NUBPL: variants seen among roughly 807,000 people sequenced by gnomAD.
NUBPL encodes iron-sulfur cluster transfer protein NUBPL.
In NUBPL, 31 loss-of-function variants were observed where a neutral mutation model predicts 45.7. That is an observed-to-expected ratio of 0.68 (90% CI 0.51 to 0.92). The LOEUF is 0.92. Among genes scored for constraint, NUBPL ranks in the 40% least tolerant of loss-of-function variants. NUBPL has a pLI of 0.00. For synonymous variants in NUBPL, 144 were observed against 140.9 expected (o/e 1.02, Z -0.15); for missense variants, 401 against 398.7 (o/e 1.01, Z -0.05).
intron 6 of NUBPL, among the ~76,000 whole-genome samples, chr14:31,720,682 A>G (rs1188644962): frequency 5.3e-5 from 8 of 152,212 alleles, no homozygotes; most frequent in African/African-American, 1.7e-4. Flanking sequence ...CCAATACAGT[A>G]ACTACTAGCT....
chr14:31,775,449 A>G (rs915052509), intron 6 of NUBPL, among the ~76,000 whole-genome samples: 3 of 152,086 alleles, frequency 2.0e-5, no homozygotes, highest in African/African-American at 7.2e-5. Flanking sequence ...AAGAAAGCAA[A>G]AAAACAAAAG....
In NUBPL at chr14:31,704,053, C is replaced by T. The variant is rs561605272; in HGVS notation, c.513+30479C>T. ...CTGTAACATTTCCCTCCTCAAGAGCCCAAGACCACAAATCTTTGAGGAAAA... is the reference window on the plus strand; with the variant it reads ...CTGTAACATTTCCCTCCTCAAGAGCTCAAGACCACAAATCTTTGAGGAAAA... On this transcript the variant is annotated intron_variant, in intron 6 of 10. Transcript: ENST00000281081. Among the ~76,000 whole-genome samples, 11 of 152,290 alleles carry T rather than the reference C, an allele frequency of 7.2e-5. No individual in the cohort carries two copies. The Middle Eastern group carries it at 0.01, about 141-fold the overall frequency.
At chr14:31,687,382 A>G (rs2036977821) in intron 6 of NUBPL, among the ~76,000 whole-genome samples, 1 of 152,234 alleles carries the variant, frequency 6.6e-6, no homozygotes, top group Non-Finnish European at 1.5e-5. Context: ...GTACTACCTA[A>G]AGTATACACA....
chr14:31,704,039 C>A (rs2037394355), intron 6 of NUBPL, among the ~76,000 whole-genome samples: 1 of 152,210 alleles, frequency 6.6e-6, no homozygotes, highest in Admixed American at 6.5e-5. Flanking sequence ...TGTAACATTT[C>A]CCTCCTCAAG....
chr14:31,598,939 T>G (rs1240285681), intron 3 of NUBPL, among the ~76,000 whole-genome samples: 1 of 152,206 alleles, frequency 6.6e-6, no homozygotes, highest in African/African-American at 2.4e-5. Context: ...ATTTTAAAAT[T>G]GTTTACATGT....
At chr14:31,821,576 A>C (rs1237201340) in intron 7 of NUBPL, among the ~76,000 whole-genome samples, 1 of 152,254 alleles carries the variant, frequency 6.6e-6, no homozygotes, top group Non-Finnish European at 1.5e-5. Context: ...GACCCTTGTC[A>C]CTGTTGGTAG....
intron 8 of NUBPL, among the ~76,000 whole-genome samples, chr14:31,841,483 T>C (rs2040368161): frequency 6.6e-6 from 1 of 152,200 alleles, no homozygotes; most frequent in Non-Finnish European, 1.5e-5. Context: ...ATTATCTGGC[T>C]TTTCCTTATT....
chr14:31,757,932 T>G (rs2038707778), intron 6 of NUBPL, among the ~76,000 whole-genome samples: 1 of 151,872 alleles, frequency 6.6e-6, no homozygotes, highest in East Asian at 1.9e-4. Context: ...CATTAACACT[T>G]TAGGGCCCTT....
At chr14:31,780,063 ATT>A (rs368438625) in intron 6 of NUBPL, among the ~76,000 whole-genome samples, 8 of 144,334 alleles carry the variant, frequency 5.5e-5, no homozygotes, top group Admixed American at 2.8e-4. Context: ...GAGAGAGCAC[ATT>A]TTTTTTTTTT....
At chr14:31,809,557 C>CA (rs1358097972) in intron 7 of NUBPL, among the ~76,000 whole-genome samples, 5 of 152,002 alleles carry the variant, frequency 3.3e-5, no homozygotes, top group Non-Finnish European at 5.9e-5. Flanking sequence ...TTGATCTTTT[C>CA]AAAAAACCAG....
chr14:31,746,283 G>T lies in NUBPL; in HGVS notation c.514-41497G>T, dbSNP rs373523762. ...TCTTGTTCCAGTTCCTAGAGGAAAAGATTTCAACTTTTCCTCATTCAGTAA... is the reference window on the plus strand; with the variant it reads ...TCTTGTTCCAGTTCCTAGAGGAAAATATTTCAACTTTTCCTCATTCAGTAA... On this transcript the variant is annotated intron_variant, in intron 6 of 10. Coordinates refer to ENST00000281081, the MANE Select transcript of NUBPL (RefSeq NM_025152.3). 1.4e-3 allele frequency among the ~76,000 whole-genome samples: 210 copies of T among 152,116 alleles called. 2 individuals are homozygous for T. The highest frequency in any genetic ancestry group is 2.6e-3 in the Admixed American group (40 of 15,290).
intron 7 of NUBPL, among the ~76,000 whole-genome samples, chr14:31,799,592 A>G (rs376748623): frequency 6.6e-5 from 10 of 152,348 alleles, no homozygotes; most frequent in African/African-American, 2.4e-4. Flanking sequence ...TTCTCAGTAC[A>G]TACAAAACTT....
intron 4 of NUBPL, among the ~76,000 whole-genome samples, chr14:31,625,307 T>G (rs907418321): frequency 7.2e-5 from 11 of 152,216 alleles, no homozygotes; most frequent in Non-Finnish European, 1.3e-4. Context: ...GAAACTGTTA[T>G]GTTGAAGACA....
intron 4 of NUBPL, chr14:31,668,079 G>A (rs1355925241): frequency 6.6e-6 from 1 of 152,382 alleles, no homozygotes; most frequent in Non-Finnish European, 1.5e-5. Context: ...GAGCTTGAAT[G>A]CAGTGCTAGG....
chr14:31,638,013 G>A (rs2035559038), intron 4 of NUBPL, among the ~76,000 whole-genome samples: 1 of 152,164 alleles, frequency 6.6e-6, no homozygotes, highest in Admixed American at 6.5e-5. Context: ...CCTGAATACA[G>A]CACACGGATG....
intron 3 of NUBPL, 60 bp downstream of exon 3, chr14:31,565,108 A>G: frequency 1.0e-6 from 1 of 985,108 alleles, no homozygotes; most frequent in Non-Finnish European, 1.6e-6. Context: ...AATGATAAAG[A>G]GCATATTGGT....
chr14:31,812,434 G>A (rs753791833), intron 7 of NUBPL, among the ~76,000 whole-genome samples: 3 of 152,198 alleles, frequency 2.0e-5, no homozygotes, highest in Non-Finnish European at 2.9e-5. Context: ...CAAGAGATCC[G>A]CTTAGCCAGG....
At chr14:31,852,107 T>C (rs184430603) in intron 10 of NUBPL, among the ~76,000 whole-genome samples, 35 of 152,342 alleles carry the variant, frequency 2.3e-4, no homozygotes, top group Admixed American at 9.1e-4. Context: ...TTTCGATGTG[T>C]GACCTAAAGC....
intron 7 of NUBPL, among the ~76,000 whole-genome samples, chr14:31,806,441 A>G (rs2138883372): frequency 6.6e-6 from 1 of 152,306 alleles, no homozygotes; most frequent in Non-Finnish European, 1.5e-5. Context: ...ATTTAACCTT[A>G]GAGTTCAACA....
Sources: gnomAD v4.1 joint callset for allele counts (sites outside exome capture counted in the v4.1 genomes callset) on GRCh38, gnomAD v4.1.1 for gene constraint, MANE v1.5 for transcripts, NCBI Gene and HGNC (gene_info 2026-07-23, HGNC 2026-07-21) for gene names.